The following CADM2 variants were observed in gnomAD, a reference collection of about 807,000 sequenced individuals.
CADM2 encodes immunoglobulin superfamily member 4D.
In CADM2, 12 loss-of-function variants were observed where a neutral mutation model predicts 49.8. That is an observed-to-expected ratio of 0.24 (90% confidence interval 0.15 to 0.39). The LOEUF (loss-of-function observed/expected upper bound fraction) is 0.39. CADM2 is among the 10% of genes least tolerant of loss of function. The probability of loss-of-function intolerance (pLI) is 1.00; values close to 1 mark genes in which losing one functional copy is unlikely to be tolerated. For missense variants in CADM2, 378 were observed against 492.3 expected (o/e 0.77, Z 2.20); for synonymous variants, 214 against 175.4 (o/e 1.22, Z -1.74).
chr3:84,985,320 T>C (rs2032490478), intron 1 of CADM2, among the ~76,000 whole-genome samples: 2 of 152,178 alleles, frequency 1.3e-5, no homozygotes, highest in South Asian at 4.1e-4. Context: ...ATTTTAATTC[T>C]TAATCAGACT....
chr3:85,172,780 C>T (rs368965823), intron 1 of CADM2, among the ~76,000 whole-genome samples: 16 of 149,788 alleles, frequency 1.1e-4, no homozygotes, highest in Admixed American at 2.0e-4. Flanking sequence ...GGTGGCTCTG[C>T]GCATATGGTG....
chr3:85,018,091 G>A (rs1345141498), intron 1 of CADM2, among the ~76,000 whole-genome samples: 1 of 152,102 alleles, frequency 6.6e-6, no homozygotes, highest in Non-Finnish European at 1.5e-5. Context: ...ATGTGAACAT[G>A]TGACCGTTCT....
intron 1 of CADM2, among the ~76,000 whole-genome samples, chr3:85,241,361 A>T (rs1427394579): frequency 6.6e-6 from 1 of 151,542 alleles, no homozygotes. Flanking sequence ...TATAAGAAGA[A>T]ATAGTCTGGG....
intron 1 of CADM2, among the ~76,000 whole-genome samples, chr3:85,423,811 T>C (rs1469246260): frequency 1.3e-5 from 2 of 152,208 alleles, no homozygotes; most frequent in Non-Finnish European, 2.9e-5. Flanking sequence ...ATGAATCTAA[T>C]TACAGTGTAA....
chr3:85,882,614 T>C (rs1712982655), intron 3 of CADM2, among the ~76,000 whole-genome samples: 1 of 152,188 alleles, frequency 6.6e-6, no homozygotes, highest in African/African-American at 2.4e-5. Context: ...TTAATGCTTT[T>C]GTTTTTCTCC....
At chr3:85,670,348 A>G (rs2065700313) in intron 1 of CADM2, among the ~76,000 whole-genome samples, 1 of 152,194 alleles carries the variant, frequency 6.6e-6, no homozygotes, top group Admixed American at 6.5e-5. Context: ...TCTATCAACT[A>G]GTAGAAAATA....
chr3:85,568,610 T>C (rs79785505), intron 1 of CADM2, among the ~76,000 whole-genome samples: 2 of 65,078 alleles, frequency 3.1e-5, no homozygotes, highest in Admixed American at 2.0e-4. Context: ...TTTCCTCTCT[T>C]TCTTTTTTTT....
At chr3:85,733,842 G>C (rs1300492586) in intron 2 of CADM2, among the ~76,000 whole-genome samples, 1 of 152,022 alleles carries the variant, frequency 6.6e-6, no homozygotes. Flanking sequence ...CATTCAGTTG[G>C]TTCATGTCAT....
chr3:85,646,823 T>C (rs1420283823), intron 1 of CADM2, among the ~76,000 whole-genome samples: 1 of 151,904 alleles, frequency 6.6e-6, no homozygotes, highest in Non-Finnish European at 1.5e-5. Context: ...TGCCAATGTG[T>C]CTTGTTGATC....
intron 1 of CADM2, among the ~76,000 whole-genome samples, chr3:85,697,952 C>A (rs908950551): frequency 6.6e-6 from 1 of 152,160 alleles, no homozygotes; most frequent in Admixed American, 6.5e-5. Flanking sequence ...TGGAGAGCTG[C>A]ATTTACCCAA....
chr3:85,226,723 T>A (rs1039158301), intron 1 of CADM2, among the ~76,000 whole-genome samples: 7 of 152,084 alleles, frequency 4.6e-5, no homozygotes, highest in African/African-American at 1.7e-4. Context: ...TGATGTTAGA[T>A]TGTCAGTTTT....
rs547825897 is a variant in CADM2, at chr3:85,013,523, G to C, written c.61+53855G>C. On this transcript the variant is annotated intron_variant, in intron 1 of 9. Transcript: ENST00000383699. The stretch of plus-strand genomic sequence containing the variant: ...GGGTTGTAAGCACTTTTAATAAATA[G>C]AATACAAATTCTTGTGGCATAAATG... 1.2e-4 allele frequency among the ~76,000 whole-genome samples: 18 copies of C among 151,844 alleles called. No individual in the cohort carries two copies. The East Asian group carries it at 3.5e-3, about 29-fold the overall frequency.
chr3:85,122,430 C>T (rs1233414418), intron 1 of CADM2, among the ~76,000 whole-genome samples: 1 of 152,074 alleles, frequency 6.6e-6, no homozygotes, highest in African/African-American at 2.4e-5. Flanking sequence ...TTCTGTTACA[C>T]TATTTATGTA....
chr3:85,316,536 T>G (rs1001778648), intron 1 of CADM2, among the ~76,000 whole-genome samples: 10 of 152,298 alleles, frequency 6.6e-5, no homozygotes, highest in Non-Finnish European at 1.5e-4. Flanking sequence ...GAAATATTTG[T>G]TAAATAGGTT....
intron 1 of CADM2, among the ~76,000 whole-genome samples, chr3:85,482,072 A>C (rs2039236085): frequency 1.3e-5 from 2 of 151,784 alleles, no homozygotes; most frequent in Admixed American, 6.6e-5. Context: ...ATACATATTA[A>C]GAAAAAAATA....
intron 1 of CADM2, among the ~76,000 whole-genome samples, chr3:85,114,720 G>C (rs1467302488): frequency 6.6e-6 from 1 of 152,064 alleles, no homozygotes; most frequent in Non-Finnish European, 1.5e-5. Flanking sequence ...GTGTGACCTT[G>C]GGCAAATTTT....
At chr3:85,408,010 C>CAAAAAAAAAAAAAAAAAACAAAA in intron 1 of CADM2, among the ~76,000 whole-genome samples, 1 of 56,182 alleles carries the variant, frequency 1.8e-5, no homozygotes, top group Non-Finnish European at 3.2e-5. Flanking sequence ...AAAACAAAAC[C>CAAAAAAAAAAAAAAAAAACAAAA]AAAAAAAAAA....
chr3:84,969,137 C>A (rs2031228775), intron 1 of CADM2, among the ~76,000 whole-genome samples: 1 of 151,746 alleles, frequency 6.6e-6, no homozygotes, highest in Admixed American at 6.6e-5. Context: ...TTAATTGTAC[C>A]CTTTGACTTA....
chr3:85,963,132 T>A (rs1725047544), intron 8 of CADM2, among the ~76,000 whole-genome samples: 1 of 151,966 alleles, frequency 6.6e-6, no homozygotes, highest in Non-Finnish European at 1.5e-5. Context: ...ATTTTCAAGT[T>A]GCATTATTGT....
Sources: allele counts gnomAD v4.1 joint callset (sites outside exome capture counted in the v4.1 genomes callset), GRCh38; gene constraint gnomAD v4.1.1; transcripts MANE v1.5; gene names NCBI Gene and HGNC (gene_info 2026-07-23, HGNC 2026-07-21).